The following DOCK1 variants were observed in gnomAD, a reference collection of about 807,000 sequenced individuals.
The protein encoded by DOCK1 is dedicator of cytokinesis protein 1.
Under a neutral mutation model 262.7 loss-of-function variants are expected in DOCK1, and 138 were observed. That is an observed-to-expected ratio of 0.53 (90% CI 0.46 to 0.61). The LOEUF (loss-of-function observed/expected upper bound fraction) is 0.61. DOCK1 is among the 20% of genes least tolerant of loss of function. DOCK1 has a pLI of 0.00. For synonymous variants in DOCK1, 866 were observed against 867.4 expected, an observed-to-expected ratio of 1.00 and a Z score of 0.03; for missense variants, 1,908 against 2,370.7, an observed-to-expected ratio of 0.80 and a Z score of 4.05.
At chr10:127,037,544 A>C (rs140347224) in intron 18 of DOCK1, among the ~76,000 whole-genome samples, 175 bp from the exon 19 acceptor site, 138 of 152,354 alleles carry the variant, frequency 9.1e-4, no homozygotes, top group African/African-American at 3.1e-3. Context: ...CAAGTGTACT[A>C]GGTGTTAAGT....
intron 29 of DOCK1, among the ~76,000 whole-genome samples, chr10:127,294,984 T>C (rs1447547944): frequency 6.6e-6 from 1 of 152,086 alleles, no homozygotes; most frequent in African/African-American, 2.4e-5. Flanking sequence ...TATAGAATTA[T>C]TATGGGGATT....
intron 31 of DOCK1, 36 bp from the exon 32 acceptor site, chr10:127,354,633 G>C: frequency 6.2e-7 from 1 of 1,613,026 alleles, no homozygotes; most frequent in Non-Finnish European, 8.5e-7. Context: ...ATGCCTTCCG[G>C]AGTGATTCAG....
In DOCK1 at chr10:127,174,614, C is replaced by T. The variant is rs7077714; in HGVS notation, c.2847+46850C>T. On this transcript the variant is annotated intron_variant, in intron 27 of 51. Coordinates refer to ENST00000623213, the MANE Select transcript of DOCK1 (RefSeq NM_001290223.2). ...GCCCGTGGGGAAGGGCATCTGTCTC[C>T]TAATCATATACAGTCAGGACTGGTC... Among the ~76,000 whole-genome samples, 1,434 of 152,310 alleles carry T rather than the reference C, an allele frequency of 9.4e-3. 21 individuals are homozygous for T. The highest frequency in any genetic ancestry group is 0.033 in the African/African-American group (1,356 of 41,562).
At chr10:126,945,750 T>C (rs2035350753) in intron 1 of DOCK1, among the ~76,000 whole-genome samples, 1 of 152,210 alleles carries the variant, frequency 6.6e-6, no homozygotes, top group Non-Finnish European at 1.5e-5. Context: ...ATGAATCCAC[T>C]TGGGTGCAGG....
chr10:126,955,894 C>T (rs1010772873), intron 1 of DOCK1, among the ~76,000 whole-genome samples: 3 of 152,224 alleles, frequency 2.0e-5, no homozygotes, highest in South Asian at 2.1e-4. Flanking sequence ...TGGGAACTGA[C>T]ACTGCACACT....
intron 45 of DOCK1, among the ~76,000 whole-genome samples, chr10:127,418,923 C>T (rs183587134): frequency 2.9e-3 from 447 of 152,312 alleles, no homozygotes; most frequent in African/African-American, 9.3e-3. Flanking sequence ...GGAGGGGGCC[C>T]GGCCAGCTGG....
At chr10:127,033,723 AAAGT>A (rs1313634043) in intron 18 of DOCK1, among the ~76,000 whole-genome samples, 3 of 152,216 alleles carry the variant, frequency 2.0e-5, no homozygotes, top group Non-Finnish European at 1.5e-5. Context: ...ACACAGGACA[AAAGT>A]AAAGCCATTG....
chr10:126,970,124 A>G (rs1385650105), intron 1 of DOCK1, among the ~76,000 whole-genome samples: 2 of 152,082 alleles, frequency 1.3e-5, no homozygotes, highest in African/African-American at 2.4e-5. Flanking sequence ...TTGGAATTTA[A>G]TGGTGTGACT....
chr10:127,071,324 T>A (rs1270369331), intron 23 of DOCK1, among the ~76,000 whole-genome samples: 2 of 152,166 alleles, frequency 1.3e-5, no homozygotes, highest in Non-Finnish European at 2.9e-5. Context: ...TAGGCAAGAA[T>A]TAATCAGGAG....
chr10:127,149,028 G>T (rs1197495661), intron 27 of DOCK1, among the ~76,000 whole-genome samples: 1 of 152,194 alleles, frequency 6.6e-6, no homozygotes, highest in African/African-American at 2.4e-5. Flanking sequence ...CCGAAGAAGT[G>T]TTACTCAGCT....
intron 2 of DOCK1, among the ~76,000 whole-genome samples, chr10:126,971,888 A>G (rs2038132219): frequency 6.6e-6 from 1 of 151,694 alleles, no homozygotes; most frequent in African/African-American, 2.4e-5. Flanking sequence ...TATCATAGTT[A>G]TATGGGATGC....
intron 18 of DOCK1, among the ~76,000 whole-genome samples, chr10:127,034,462 A>AT (rs2043453698): frequency 6.6e-6 from 1 of 152,152 alleles, no homozygotes; most frequent in Admixed American, 6.5e-5. Context: ...GGAATTCAAG[A>AT]TAAGATCTGG....
intron 33 of DOCK1, among the ~76,000 whole-genome samples, chr10:127,365,236 CAT>C (rs887222802): frequency 8.5e-5 from 13 of 152,174 alleles, no homozygotes; most frequent in African/African-American, 3.1e-4. Context: ...CACATTCATG[CAT>C]ATAGCTTGAA....
At chr10:127,121,483 G>A (rs1262600698) in intron 25 of DOCK1, among the ~76,000 whole-genome samples, 2 of 151,776 alleles carry the variant, frequency 1.3e-5, no homozygotes, top group African/African-American at 2.4e-5. Flanking sequence ...GTGTCTATCT[G>A]TCCGTCTGTC....
chr10:127,280,749 A>G (rs1199477982), intron 29 of DOCK1, among the ~76,000 whole-genome samples: 1 of 152,124 alleles, frequency 6.6e-6, no homozygotes, highest in Non-Finnish European at 1.5e-5. Flanking sequence ...GAGGTTTCAT[A>G]CTGTTGTCGA....
chr10:127,197,478 A>G (rs2057255477), intron 27 of DOCK1, among the ~76,000 whole-genome samples: 1 of 152,178 alleles, frequency 6.6e-6, no homozygotes, highest in African/African-American at 2.4e-5. Flanking sequence ...GCCAGGGACT[A>G]AGCAGCCAGC....
At chr10:127,274,287 A>G (rs2060668125) in intron 29 of DOCK1, among the ~76,000 whole-genome samples, 1 of 152,196 alleles carries the variant, frequency 6.6e-6, no homozygotes, top group South Asian at 2.1e-4. Context: ...CTTTTGGGTG[A>G]AGAGGGACTG....
At chr10:127,307,268 C>A (rs979926857) in intron 29 of DOCK1, among the ~76,000 whole-genome samples, 1 of 152,182 alleles carries the variant, frequency 6.6e-6, no homozygotes, top group Non-Finnish European at 1.5e-5. Context: ...GCATTGTCCC[C>A]GGCCTGGGCT....
intron 27 of DOCK1, among the ~76,000 whole-genome samples, chr10:127,209,485 G>A (rs1346846181): frequency 6.6e-6 from 1 of 152,142 alleles, no homozygotes; most frequent in Non-Finnish European, 1.5e-5. Context: ...TGACTTTCAG[G>A]ACATCATAGA....
Sources: gnomAD v4.1 joint callset for allele counts (sites outside exome capture counted in the v4.1 genomes callset) on GRCh38, gnomAD v4.1.1 for gene constraint, MANE v1.5 for transcripts, NCBI Gene and HGNC (gene_info 2026-07-23, HGNC 2026-07-21) for gene names.